The following NRG3 variants were observed in gnomAD, a reference collection of about 807,000 sequenced individuals.
The protein encoded by NRG3 is neuregulin 3, also known as pro-neuregulin-3, membrane-bound isoform.
NRG3 carries 31 observed loss-of-function variants against 66.9 expected under a neutral mutation model. The ratio of observed to expected loss-of-function variants is 0.46; its 90% CI spans 0.35 to 0.63. NRG3 has a LOEUF of 0.63. NRG3 is among the 20% of genes least tolerant of loss of function. NRG3 has a pLI of 0.00. For synonymous variants in NRG3, 393 were observed against 359.4 expected (o/e 1.09, Z -1.06); for missense variants, 910 against 878.9 (o/e 1.04, Z -0.45).
chr10:82,014,238 G>A (rs7080968), intron 1 of NRG3, among the ~76,000 whole-genome samples: 3 of 152,012 alleles, frequency 2.0e-5, no homozygotes, highest in Admixed American at 2.0e-4. Context: ...ATAAGCAAGT[G>A]CTTTATACTC....
At position 82,753,686 on chromosome 10, in the gene NRG3, C is replaced by T. The variant is rs562680059; in HGVS notation, c.1027+15036C>T. On this transcript the variant is annotated intron_variant, in intron 3 of 8. Transcript: ENST00000372141. ...AAGTTCCACCGGGAGTGGTGGCTCACACCTGCAATCCCAGCACTTTGGGAG... is the reference window on the plus strand; with the variant it reads ...AAGTTCCACCGGGAGTGGTGGCTCATACCTGCAATCCCAGCACTTTGGGAG... Among the ~76,000 whole-genome samples the T allele has an allele frequency of 3.9e-5, 6 of 151,974 alleles. No homozygotes were observed. The South Asian group carries it at 1.0e-3, about 26-fold the overall frequency.
chr10:82,295,918 C>T (rs1366630020), intron 1 of NRG3, among the ~76,000 whole-genome samples: 1 of 135,882 alleles, frequency 7.4e-6, no homozygotes. Context: ...AAAAAAAACC[C>T]CTATTTTAGG....
rs144610925 is a variant in NRG3, at chr10:82,974,263, T to C, written c.1412+348T>C. Among the ~76,000 whole-genome samples the C allele has an allele frequency of 2.8e-4, 43 of 152,318 alleles. 1 individual carries two copies. Among genetic ancestry groups the C allele is most frequent in the African/African-American group, 1.0e-3 (42 of 41,578 alleles). Reference sequence around the variant, plus strand: ...ACAGTTAATGAGTAATTCTTCCCTATGCAGCCTAATGTGACAGACTTCAGG... The same window carrying C: ...ACAGTTAATGAGTAATTCTTCCCTACGCAGCCTAATGTGACAGACTTCAGG... On this transcript the variant is annotated intron_variant, in intron 7 of 8. Coordinates refer to ENST00000372141, the MANE Select transcript of NRG3 (RefSeq NM_001010848.4).
intron 1 of NRG3, among the ~76,000 whole-genome samples, chr10:82,201,627 T>A (rs936909894): frequency 3.9e-5 from 6 of 152,118 alleles, no homozygotes; most frequent in Non-Finnish European, 7.4e-5. Flanking sequence ...TCTTTTTTTT[T>A]AGCAGGAAAC....
rs544122208 is a variant in NRG3, at chr10:82,319,216, G to T, written c.824-39523G>T. On this transcript the variant is annotated intron_variant, in intron 1 of 8. Transcript: ENST00000372141. ...AGCTGGCCCTGCAGAGCTGGCTGCT[G>T]TGGGGAGTCCCCTTGGTTACATCTT... Among the ~76,000 whole-genome samples the T allele has an allele frequency of 4.6e-5, 7 of 152,360 alleles. No homozygotes were observed. The East Asian group carries it at 1.2e-3, about 25-fold the overall frequency.
chr10:81,994,803 CT>C (rs1435335358), intron 1 of NRG3, among the ~76,000 whole-genome samples: 2 of 151,970 alleles, frequency 1.3e-5, no homozygotes, highest in Admixed American at 6.6e-5. Flanking sequence ...TTTTTGGATA[CT>C]TGTAGAATTT....
At chr10:82,490,766 C>T (rs944469773) in intron 2 of NRG3, among the ~76,000 whole-genome samples, 1 of 152,136 alleles carries the variant, frequency 6.6e-6, no homozygotes, top group African/African-American at 2.4e-5. Context: ...CCAGCTGCCT[C>T]TCTCATCTCA....
intron 1 of NRG3, among the ~76,000 whole-genome samples, chr10:81,918,588 G>A (rs979115389): frequency 1.3e-5 from 2 of 152,080 alleles, no homozygotes; most frequent in Non-Finnish European, 2.9e-5. Context: ...ATAAAGGGAA[G>A]CCATTTTAAT....
chr10:82,824,686 A>G (rs1190691347), intron 3 of NRG3, among the ~76,000 whole-genome samples: 2 of 149,918 alleles, frequency 1.3e-5, no homozygotes, highest in African/African-American at 4.9e-5. Context: ...AACTGTATAT[A>G]CAAATATTTT....
intron 3 of NRG3, among the ~76,000 whole-genome samples, chr10:82,750,233 T>C (rs1346711683): frequency 6.6e-6 from 1 of 152,154 alleles, no homozygotes; most frequent in Non-Finnish European, 1.5e-5. Flanking sequence ...ATGATCCTCC[T>C]TTTCCTGAGA....
Position 82,465,355 on chromosome 10 carries a change from G to A in NRG3, c.953+106487G>A, listed in dbSNP as rs570163393. Among the ~76,000 whole-genome samples, 3 of 152,244 alleles carry A rather than the reference G, an allele frequency of 2.0e-5. No individual in the cohort carries two copies. In the East Asian group the frequency reaches 5.8e-4, roughly 29 times the overall value. Reference sequence around the variant, plus strand: ...TTGTCTAAACGAAGAATTCCAAGTGGGCCAATTTCTCAGGAGAAGAGAGGA... The same window carrying A: ...TTGTCTAAACGAAGAATTCCAAGTGAGCCAATTTCTCAGGAGAAGAGAGGA... On this transcript the variant is annotated intron_variant, in intron 2 of 8. Transcript: ENST00000372141.
At chr10:82,829,538 G>A (rs2062408495) in intron 3 of NRG3, among the ~76,000 whole-genome samples, 1 of 152,118 alleles carries the variant, frequency 6.6e-6, no homozygotes. Context: ...ATCAAGGTGA[G>A]GTGCAAAGTC....
At chr10:81,982,139 G>A (rs925627846) in intron 1 of NRG3, among the ~76,000 whole-genome samples, 1 of 152,084 alleles carries the variant, frequency 6.6e-6, no homozygotes, top group African/African-American at 2.4e-5. Flanking sequence ...GGAGAAACTA[G>A]ACTGTACCTT....
intron 2 of NRG3, among the ~76,000 whole-genome samples, chr10:82,481,759 C>T (rs1359289362): frequency 2.6e-5 from 4 of 152,122 alleles, no homozygotes; most frequent in Non-Finnish European, 4.4e-5. Flanking sequence ...CCGAGGCAGG[C>T]GGATCACTTG....
chr10:82,874,595 C>T (rs554031873), intron 4 of NRG3, among the ~76,000 whole-genome samples: 3 of 152,206 alleles, frequency 2.0e-5, no homozygotes, highest in Admixed American at 1.3e-4. Flanking sequence ...TGTTAAACTA[C>T]GTGAGAAATC....
chr10:81,925,921 T>C (rs1270195904), intron 1 of NRG3, among the ~76,000 whole-genome samples: 1 of 151,998 alleles, frequency 6.6e-6, no homozygotes, highest in Non-Finnish European at 1.5e-5. Flanking sequence ...TGTATAGCTC[T>C]CCCCTCAAAG....
chr10:82,150,185 A>G (rs2132763852), intron 1 of NRG3, among the ~76,000 whole-genome samples: 1 of 152,258 alleles, frequency 6.6e-6, no homozygotes, highest in Middle Eastern at 3.4e-3. Flanking sequence ...GATTTGATGG[A>G]TCAGAGGCTA....
intron 1 of NRG3, among the ~76,000 whole-genome samples, chr10:81,975,029 A>C (rs1268821876): frequency 1.3e-5 from 2 of 152,094 alleles, no homozygotes; most frequent in African/African-American, 2.4e-5. Flanking sequence ...TATTGGAAAC[A>C]ATGAGAAATC....
intron 1 of NRG3, among the ~76,000 whole-genome samples, chr10:82,054,624 C>T (rs2063746976): frequency 6.6e-6 from 1 of 151,940 alleles, no homozygotes; most frequent in South Asian, 2.1e-4. Context: ...TATTGAGCTC[C>T]AAGGGACTCC....
Sources: allele counts gnomAD v4.1 joint callset (sites outside exome capture counted in the v4.1 genomes callset), GRCh38; gene constraint gnomAD v4.1.1; transcripts MANE v1.5; gene names NCBI Gene and HGNC (gene_info 2026-07-23, HGNC 2026-07-21).